Variants in SMYD3 observed in about 807,000 individuals in gnomAD.
SMYD3 encodes histone-lysine N-methyltransferase SMYD3.
In SMYD3, 36 loss-of-function variants were observed where a neutral mutation model predicts 57.7. The ratio of observed to expected loss-of-function variants is 0.62; its 90% CI spans 0.48 to 0.82. The LOEUF (loss-of-function observed/expected upper bound fraction) is 0.82. Ranked by LOEUF, SMYD3 falls within the 40% of genes least tolerant of loss-of-function variation. The pLI is 0.00. For synonymous variants in SMYD3, 211 were observed against 195.0 expected (o/e 1.08, Z -0.68); for missense variants, 515 against 538.8 (o/e 0.96, Z 0.44).
At chr1:246,305,176 C>T (rs926065685) in intron 5 of SMYD3, among the ~76,000 whole-genome samples, 4 of 152,146 alleles carry the variant, frequency 2.6e-5, no homozygotes, top group African/African-American at 4.8e-5. Context: ...CGAAAGGGTT[C>T]GGAGCACTCA....
intron 5 of SMYD3, among the ~76,000 whole-genome samples, chr1:246,150,026 T>C (rs1243054084): frequency 6.6e-6 from 1 of 152,246 alleles, no homozygotes; most frequent in Non-Finnish European, 1.5e-5. Context: ...TCCGCAGCTA[T>C]AGAGAAAGAA....
intron 1 of SMYD3, among the ~76,000 whole-genome samples, chr1:246,481,621 T>TATATATATACACACACAC (rs1307881494): frequency 1.0e-5 from 1 of 98,562 alleles, no homozygotes; most frequent in African/African-American, 3.7e-5. Context: ...CATACATATA[T>TATATATATACACACACAC]ACATACATAC....
intron 1 of SMYD3, among the ~76,000 whole-genome samples, chr1:246,382,979 G>A (rs919646386): frequency 6.6e-6 from 1 of 151,886 alleles, no homozygotes; most frequent in Admixed American, 6.5e-5. Context: ...TCACCCAGTG[G>A]ACCTCACCAC....
At chr1:246,244,182 G>C (rs2063665866) in intron 5 of SMYD3, among the ~76,000 whole-genome samples, 1 of 151,942 alleles carries the variant, frequency 6.6e-6, no homozygotes, top group Non-Finnish European at 1.5e-5. Flanking sequence ...GTTAGCTATA[G>C]TTCCTGAGTC....
chr1:246,256,351 A>G (rs2063894231), intron 5 of SMYD3, among the ~76,000 whole-genome samples: 1 of 152,180 alleles, frequency 6.6e-6, no homozygotes, highest in African/African-American at 2.4e-5. Context: ...CCTCACAGAC[A>G]CACCCAGGAT....
intron 1 of SMYD3, among the ~76,000 whole-genome samples, chr1:246,395,691 ACC>A (rs1166802225): frequency 4.8e-5 from 3 of 62,006 alleles, no homozygotes; most frequent in Non-Finnish European, 1.2e-4. Context: ...GGGAAGACGA[ACC>A]CACCATGGCT....
chr1:246,376,589 TAAAAAAAA>T (rs55996523), intron 1 of SMYD3, among the ~76,000 whole-genome samples: 1 of 85,176 alleles, frequency 1.2e-5, no homozygotes, highest in Non-Finnish European at 2.2e-5. Flanking sequence ...ACACTCCATC[TAAAAAAAA>T]AAAAAAAAAA....
chr1:246,425,844 T>C (rs922866676), intron 1 of SMYD3, among the ~76,000 whole-genome samples: 1 of 152,244 alleles, frequency 6.6e-6, no homozygotes, highest in Non-Finnish European at 1.5e-5. Flanking sequence ...GAACAAGGGA[T>C]GCCTTTAGTT....
At chr1:245,765,759 C>T (rs1270421943) in intron 10 of SMYD3, among the ~76,000 whole-genome samples, 2 of 152,090 alleles carry the variant, frequency 1.3e-5, no homozygotes, top group African/African-American at 2.4e-5. Flanking sequence ...TCTCCAGGGA[C>T]GGAGGTGCCT....
chr1:245,999,227 T>TA (rs976730595), intron 5 of SMYD3, among the ~76,000 whole-genome samples: 28 of 144,736 alleles, frequency 1.9e-4, no homozygotes, highest in Non-Finnish European at 2.6e-4. Context: ...AAGGTGGAAA[T>TA]AAAAAAAAAA....
At chr1:245,750,053 T>A (rs533340668) in intron 11 of SMYD3, among the ~76,000 whole-genome samples, 2 of 152,340 alleles carry the variant, frequency 1.3e-5, no homozygotes, top group East Asian at 3.9e-4. Flanking sequence ...TCAATTCTCA[T>A]CTATATGCAC....
chr1:246,501,451 C>T (rs1379707625), intron 1 of SMYD3, among the ~76,000 whole-genome samples: 1 of 152,172 alleles, frequency 6.6e-6, no homozygotes, highest in East Asian at 1.9e-4. Flanking sequence ...TCTGCCACAC[C>T]CCGTACCTGT....
intron 1 of SMYD3, among the ~76,000 whole-genome samples, chr1:246,423,305 AAAAAGAAAAAG>A (rs964389751): frequency 6.6e-6 from 1 of 151,850 alleles, no homozygotes; most frequent in African/African-American, 2.4e-5. Context: ...TCAAAAAAAA[AAAAAGAAAAAG>A]AAAAGAAAAA....
At chr1:245,944,531 G>T (rs11578625) in intron 5 of SMYD3, among the ~76,000 whole-genome samples, 10,120 of 152,230 alleles carry the variant, frequency 0.066, 410 homozygotes, top group South Asian at 0.12. Context: ...CTCATAGATA[G>T]GAGAAATCTT....
At chr1:246,394,901 A>T (rs1420288359) in intron 1 of SMYD3, among the ~76,000 whole-genome samples, 1 of 151,790 alleles carries the variant, frequency 6.6e-6, no homozygotes, top group East Asian at 1.9e-4. Context: ...CCCCAAACGT[A>T]GCTATGCTTT....
intron 10 of SMYD3, among the ~76,000 whole-genome samples, chr1:245,784,768 C>CT (rs2046967053): frequency 6.6e-6 from 1 of 151,866 alleles, no homozygotes; most frequent in African/African-American, 2.4e-5. Context: ...CATTGATTCA[C>CT]TTCTGCTGCA....
intron 10 of SMYD3, among the ~76,000 whole-genome samples, chr1:245,806,770 C>T (rs1469681356): frequency 3.3e-5 from 5 of 150,932 alleles, no homozygotes; most frequent in South Asian, 2.1e-4. Flanking sequence ...ATTAGCCGGG[C>T]GCGGTGGCGG....
At chr1:246,033,959 C>G (rs1572920029) in intron 5 of SMYD3, among the ~76,000 whole-genome samples, 1 of 152,028 alleles carries the variant, frequency 6.6e-6, no homozygotes, top group African/African-American at 2.4e-5. Context: ...CTATAATTAT[C>G]TCAAAAATAA....
chr1:246,106,956 T>C (rs1293098141), intron 5 of SMYD3, among the ~76,000 whole-genome samples: 1 of 151,908 alleles, frequency 6.6e-6, no homozygotes, highest in Non-Finnish European at 1.5e-5. Context: ...GGTGTGAACG[T>C]GAAAAAAGAG....
Sources: allele counts gnomAD v4.1 joint callset (sites outside exome capture counted in the v4.1 genomes callset), GRCh38; gene constraint gnomAD v4.1.1; transcripts MANE v1.5; gene names NCBI Gene and HGNC (gene_info 2026-07-23, HGNC 2026-07-21).